Variants in LRFN5 observed in about 807,000 individuals in gnomAD.
LRFN5 encodes leucine rich repeat and fibronectin type III domain containing 5, also known as leucine-rich repeat and fibronectin type-III domain-containing protein 5.
A neutral mutation model predicts 45.6 loss-of-function variants in LRFN5; 24 were observed. The observed-to-expected ratio is 0.53, with a 90% CI of 0.38 to 0.74. LRFN5 has a LOEUF of 0.74. Among genes scored for constraint, LRFN5 ranks in the 30% least tolerant of loss-of-function variants. LRFN5 has a pLI of 0.00. For missense variants in LRFN5, 776 were observed against 861.5 expected (o/e 0.90, Z 1.24); for synonymous variants, 340 against 313.8 (o/e 1.08, Z -0.88).
intron 2 of LRFN5, among the ~76,000 whole-genome samples, chr14:41,773,698 G>A (rs553419157): frequency 1.0e-3 from 157 of 152,246 alleles, no homozygotes; most frequent in Non-Finnish European, 1.7e-3. Context: ...ATATGATAGT[G>A]AGGAAAAGCT....
chr14:41,894,057 C>T, intron 4 of LRFN5: 2 of 983,922 alleles, frequency 2.0e-6, no homozygotes, highest in Non-Finnish European at 1.2e-6. Context: ...TTTGCAGAAG[C>T]ATACTACTTT....
chr14:41,718,585 A>T (rs1044301780), intron 1 of LRFN5, among the ~76,000 whole-genome samples: 2 of 152,204 alleles, frequency 1.3e-5, no homozygotes, highest in African/African-American at 4.8e-5. Flanking sequence ...TTCGTTTCTC[A>T]TGCCACCTGC....
chr14:41,710,731 T>C (rs1370147708), intron 1 of LRFN5, among the ~76,000 whole-genome samples: 4 of 152,174 alleles, frequency 2.6e-5, no homozygotes, highest in Admixed American at 6.6e-5. Flanking sequence ...TAACTCGTCA[T>C]TTACATTAGG....
At chr14:41,838,918 G>C (rs764790593) in intron 2 of LRFN5, among the ~76,000 whole-genome samples, 1 of 152,114 alleles carries the variant, frequency 6.6e-6, no homozygotes, top group Admixed American at 6.6e-5. Context: ...TTAAAGGAAA[G>C]CAATTTTAAA....
At chr14:41,844,773 C>G (rs1390216664) in intron 2 of LRFN5, among the ~76,000 whole-genome samples, 1 of 152,142 alleles carries the variant, frequency 6.6e-6, no homozygotes, top group Non-Finnish European at 1.5e-5. Context: ...ACAGTTATCT[C>G]TTTGCAAGAA....
rs543888367 is a variant in LRFN5 at position 41,826,067 on chromosome 14, T to C, written c.-21+59038T>C. 3.9e-5 allele frequency among the ~76,000 whole-genome samples: 6 copies of C among 152,308 alleles called. No homozygotes were observed. The East Asian group carries it at 1.2e-3, about 29-fold the overall frequency. ...CAAGTTGTGATGTTCATCTATAACGTTGATTATTCTTTCTGAGAACTGGCC... is the reference window on the plus strand; with the variant it reads ...CAAGTTGTGATGTTCATCTATAACGCTGATTATTCTTTCTGAGAACTGGCC... On this transcript the variant is annotated intron_variant, in intron 2 of 5. Coordinates refer to ENST00000298119, the MANE Select transcript of LRFN5 (RefSeq NM_152447.5).
chr14:41,634,283 A>G (rs942431548), intron 1 of LRFN5, among the ~76,000 whole-genome samples: 5 of 152,272 alleles, frequency 3.3e-5, no homozygotes, highest in African/African-American at 9.6e-5. Flanking sequence ...AGCATCTTCT[A>G]TTAATATATT....
chr14:41,761,058 G>C (rs917220462), intron 1 of LRFN5, among the ~76,000 whole-genome samples: 1 of 152,140 alleles, frequency 6.6e-6, no homozygotes, highest in Non-Finnish European at 1.5e-5. Context: ...ACTTGAAATA[G>C]ATAAGATATT....
In LRFN5 at chr14:41,891,516, G is replaced by A. The variant is rs770689533; in HGVS notation, c.1652G>A (p.Arg551Gln). 1.9e-5 allele frequency: 30 copies of A among 1,614,072 alleles called. No individual in the cohort carries two copies. Among genetic ancestry groups the A allele is most frequent in the Non-Finnish European group, 2.5e-5 (29 of 1,180,010 alleles). The change falls in exon 4 of 6, where the codon CGG becomes CAG. Residue 551 changes from arginine to glutamine, a missense_variant. Arg to Gln is a conservative substitution (Grantham distance 43). Coordinates refer to ENST00000298119, the MANE Select transcript of LRFN5 (RefSeq NM_152447.5). Reference protein sequence around the residue: ...VLVFIIILMIRYKVCNNNGQH... With the variant: ...VLVFIIILMIQYKVCNNNGQH... The stretch of plus-strand genomic sequence containing the variant: ...GTATTCATCATTATTCTGATGATCC[G>A]GTATAAGGTTTGCAACAATAATGGG...
chr14:41,818,559 T>G (rs1469709476), intron 2 of LRFN5, among the ~76,000 whole-genome samples: 1 of 151,916 alleles, frequency 6.6e-6, no homozygotes, highest in Non-Finnish European at 1.5e-5. Context: ...AAGTGATATA[T>G]GCCATCACAT....
At chr14:41,815,391 A>G (rs140679770) in intron 2 of LRFN5, among the ~76,000 whole-genome samples, 168 of 152,250 alleles carry the variant, frequency 1.1e-3, no homozygotes, top group Non-Finnish European at 1.7e-3. Context: ...AACATGATGT[A>G]TGGATCTCCA....
intron 5 of LRFN5, among the ~76,000 whole-genome samples, chr14:41,901,060 T>A (rs1436657980): frequency 6.6e-6 from 1 of 152,108 alleles, no homozygotes; most frequent in Non-Finnish European, 1.5e-5. Context: ...ATTTTCTTTT[T>A]TAGAAGCCTT....
At chr14:41,837,689 C>CTTGT (rs1888711099) in intron 2 of LRFN5, among the ~76,000 whole-genome samples, 3 of 151,998 alleles carry the variant, frequency 2.0e-5, no homozygotes, top group Admixed American at 2.0e-4. Flanking sequence ...CTTCTAGAGA[C>CTTGT]ACTTTAAAAA....
At chr14:41,643,374 A>G (rs1411737487) in intron 1 of LRFN5, among the ~76,000 whole-genome samples, 4 of 152,188 alleles carry the variant, frequency 2.6e-5, no homozygotes, top group Non-Finnish European at 4.4e-5. Flanking sequence ...TTACATATGC[A>G]ATATCCTGTG....
chr14:41,665,702 T>C (rs1048348125), intron 1 of LRFN5, among the ~76,000 whole-genome samples: 1 of 151,984 alleles, frequency 6.6e-6, no homozygotes, highest in Admixed American at 6.6e-5. Context: ...TTTCAAAAGC[T>C]ACTACTAGGA....
At chr14:41,621,924 G>A (rs1023899412) in intron 1 of LRFN5, among the ~76,000 whole-genome samples, 1 of 152,084 alleles carries the variant, frequency 6.6e-6, no homozygotes, top group African/African-American at 2.4e-5. Context: ...CCATGAAAGA[G>A]AGGAAGGAAG....
intron 2 of LRFN5, among the ~76,000 whole-genome samples, chr14:41,852,641 C>T (rs1889311408): frequency 6.6e-6 from 1 of 151,726 alleles, no homozygotes; most frequent in African/African-American, 2.4e-5. Context: ...TTTTTGAAAG[C>T]CAGCATTTCA....
At chr14:41,671,076 A>G (rs187734584) in intron 1 of LRFN5, among the ~76,000 whole-genome samples, 1 of 152,068 alleles carries the variant, frequency 6.6e-6, no homozygotes, top group East Asian at 1.9e-4. Context: ...TCTAATTATT[A>G]GACTGCAAAA....
rs1217341128 is a variant in LRFN5, at chr14:41,787,859, T to G, written c.-21+20830T>G. 3.3e-5 allele frequency among the ~76,000 whole-genome samples: 5 copies of G among 152,208 alleles called. No individual in the cohort carries two copies. The East Asian group carries it at 9.7e-4, about 29-fold the overall frequency. On this transcript the variant is annotated intron_variant, in intron 2 of 5. Transcript: ENST00000298119. The stretch of plus-strand genomic sequence containing the variant: ...CACATGTTGGAGCACTAACCCCTAG[T>G]GTCATGATGTTTGGACTTGTGCCTT...
Sources: gnomAD v4.1 joint callset for allele counts (sites outside exome capture counted in the v4.1 genomes callset) on GRCh38, gnomAD v4.1.1 for gene constraint, MANE v1.5 for transcripts, NCBI Gene and HGNC (gene_info 2026-07-23, HGNC 2026-07-21) for gene names.